Variants in PCCB observed in about 807,000 individuals in gnomAD.
The protein encoded by PCCB is propionyl-CoA carboxylase beta chain, mitochondrial.
Under a neutral mutation model 60.7 loss-of-function variants are expected in PCCB, and 43 were observed. The ratio of observed to expected loss-of-function variants is 0.71; its 90% CI spans 0.55 to 0.91. PCCB has a LOEUF of 0.91. PCCB is among the 40% of genes least tolerant of loss of function. The pLI, the probability that PCCB is intolerant of heterozygous loss-of-function variation, is 0.00. For missense variants in PCCB, 766 were observed against 702.8 expected (o/e 1.09, Z -1.02); for synonymous variants, 276 against 255.9 (o/e 1.08, Z -0.75).
intron 9 of PCCB, among the ~76,000 whole-genome samples, chr3:136,310,855 A>G (rs1934637011): frequency 6.6e-6 from 1 of 152,172 alleles, no homozygotes; most frequent in Non-Finnish European, 1.5e-5. Flanking sequence ...ATTTATATAG[A>G]CGCTGAAGAA....
intron 5 of PCCB, among the ~76,000 whole-genome samples, chr3:136,281,763 C>G (rs141196293): frequency 8.5e-4 from 129 of 152,222 alleles, no homozygotes; most frequent in African/African-American, 3.0e-3. Context: ...TCCTACTTTT[C>G]AGGAATAGCC....
At chr3:136,327,880 T>A in intron 13 of PCCB, 148 bp downstream of exon 13, 1 of 715,800 alleles carries the variant, frequency 1.4e-6, no homozygotes, top group Non-Finnish European at 2.5e-6. Flanking sequence ...CCTTGGTAAG[T>A]CTCCCTCTTG....
intron 10 of PCCB, 147 bp downstream of exon 10, chr3:136,317,211 A>ATT (rs1934931942): frequency 1.9e-5 from 6 of 322,682 alleles, no homozygotes; most frequent in South Asian, 9.3e-5. Context: ...TATAAAAGCT[A>ATT]ATTTTTTTTT....
At chr3:136,260,375 G>T (rs1233320304) in intron 3 of PCCB, 104 bp from the exon 4 acceptor site, 4 of 948,846 alleles carry the variant, frequency 4.2e-6, no homozygotes, top group Non-Finnish European at 6.7e-6. Flanking sequence ...ACCACGCCTG[G>T]CCTAAAAACT....
rs949620537 is a variant in PCCB, at chr3:136,252,268, A to T, written c.183+1710A>T. On this transcript the variant is annotated intron_variant, in intron 1 of 14. Transcript: ENST00000251654. ...TGGGTCAAAGGGTGTAAGTTTATTT[A>T]TTTTTTTTGAGACAGAGTTCACTCT... The T allele has an allele frequency of 7.3e-5, 33 of 454,162 alleles. No individual in the cohort carries two copies. In the Middle Eastern group the frequency reaches 1.3e-3, roughly 18 times the overall value. 28.1% of individuals were successfully genotyped at this position (454,162 alleles called of 1,614,324 possible).
At position 136,298,075 on chromosome 3, in the gene PCCB, G is replaced by A. The variant is rs755626730; in HGVS notation, c.884+3G>A. On this transcript the variant is annotated splice_donor_region_variant and intron_variant, in intron 8 of 14. Coordinates refer to ENST00000251654, the MANE Select transcript of PCCB (RefSeq NM_000532.5). The stretch of plus-strand genomic sequence containing the variant: ...GTCCGTGAGTGCCACGATCCCAGGT[G>A]GGTTGTAGGCCGGTGCACCTTCTCT... The A allele has an allele frequency of 2.5e-6, 4 of 1,614,096 alleles. No individual in the cohort carries two copies. Among genetic ancestry groups the A allele is most frequent in the Non-Finnish European group, 3.4e-6 (4 of 1,179,972 alleles).
intron 8 of PCCB, among the ~76,000 whole-genome samples, chr3:136,300,050 A>G (rs1026485499): frequency 5.3e-5 from 8 of 151,460 alleles, no homozygotes; most frequent in Non-Finnish European, 1.2e-4. Context: ...ATGCATGCCC[A>G]CACACATGCA....
intron 2 of PCCB, 115 bp downstream of exon 2, chr3:136,256,090 C>T: frequency 2.1e-6 from 3 of 1,439,232 alleles, no homozygotes; most frequent in Non-Finnish European, 2.9e-6. Context: ...AGAGGCACTG[C>T]AGACATCAAG....
chr3:136,276,742 C>G (rs1179580228), intron 5 of PCCB, among the ~76,000 whole-genome samples: 1 of 152,156 alleles, frequency 6.6e-6, no homozygotes, highest in South Asian at 2.1e-4. Context: ...TTCTCCAGGA[C>G]CCTTCATGAG....
intron 5 of PCCB, among the ~76,000 whole-genome samples, 193 bp downstream of exon 5, chr3:136,262,258 C>T (rs1467697277): frequency 1.3e-5 from 2 of 152,052 alleles, no homozygotes; most frequent in East Asian, 1.9e-4. Context: ...AGAGGGTTTT[C>T]ATTTTTTCTA....
intron 7 of PCCB, among the ~76,000 whole-genome samples, chr3:136,295,881 C>T (rs1046911331): frequency 9.2e-5 from 14 of 151,556 alleles, no homozygotes; most frequent in African/African-American, 3.4e-4. Context: ...GAATGTCTGC[C>T]CATGACATTA....
At chr3:136,291,730 G>A (rs567696867) in intron 6 of PCCB, among the ~76,000 whole-genome samples, 9 of 152,282 alleles carry the variant, frequency 5.9e-5, no homozygotes, top group East Asian at 1.9e-4. Context: ...TTATCATATA[G>A]TTTTGCCTGA....
chr3:136,255,747 T>C (rs989004425), intron 1 of PCCB, 109 bp from the exon 2 acceptor site: 8 of 928,886 alleles, frequency 8.6e-6, no homozygotes, highest in African/African-American at 4.8e-5. Flanking sequence ...AGTACTTGCA[T>C]TGAGATCAAC....
At chr3:136,272,686 G>A (rs903604831) in intron 5 of PCCB, among the ~76,000 whole-genome samples, 8 of 151,934 alleles carry the variant, frequency 5.3e-5, no homozygotes, top group African/African-American at 1.9e-4. Context: ...TATGATATTG[G>A]TTATAATATT....
chr3:136,258,307 A>G (rs1941730386), intron 3 of PCCB, among the ~76,000 whole-genome samples: 1 of 152,162 alleles, frequency 6.6e-6, no homozygotes, highest in Non-Finnish European at 1.5e-5. Context: ...GAAGAAGCGA[A>G]TCATTTTATA....
intron 1 of PCCB, among the ~76,000 whole-genome samples, chr3:136,250,940 C>T (rs935969303): frequency 6.6e-6 from 1 of 152,184 alleles, no homozygotes; most frequent in African/African-American, 2.4e-5. Flanking sequence ...AAACCATGTG[C>T]TTATTCTCGT....
rs535247767 is a variant in PCCB, at chr3:136,305,509, G to T, written c.966+4398G>T. Among the ~76,000 whole-genome samples the T allele has an allele frequency of 1.7e-4, 20 of 120,366 alleles. 6 individuals are homozygous for T. In the South Asian group the frequency reaches 5.0e-3, roughly 30 times the overall value. The allele number at this position is 120,366 out of a possible 152,430, so 79.0% of individuals were successfully genotyped here. On this transcript the variant is annotated intron_variant, in intron 9 of 14. Transcript: ENST00000251654. The stretch of plus-strand genomic sequence containing the variant: ...CATGCCTGTAATTCCAGCACTTTGG[G>T]AGGCTGAGGCGGGTGGATCACTTGA...
chr3:136,317,356 G>A (rs1382508280), intron 10 of PCCB, among the ~76,000 whole-genome samples: 1 of 151,028 alleles, frequency 6.6e-6, no homozygotes, highest in Non-Finnish European at 1.5e-5. Context: ...CGAGTAGCTG[G>A]GACTACAGGC....
At chr3:136,261,302 T>C (rs1418870559) in intron 4 of PCCB, among the ~76,000 whole-genome samples, 1 of 152,244 alleles carries the variant, frequency 6.6e-6, no homozygotes, top group East Asian at 1.9e-4. Flanking sequence ...CTGGAACATC[T>C]GGATTATAGA....
Sources: gnomAD v4.1 joint callset for allele counts (sites outside exome capture counted in the v4.1 genomes callset) on GRCh38, gnomAD v4.1.1 for gene constraint, MANE v1.5 for transcripts, NCBI Gene and HGNC (gene_info 2026-07-23, HGNC 2026-07-21) for gene names.